Variants in SLC15A1 observed in about 807,000 individuals in gnomAD.
SLC15A1 encodes the protein solute carrier family 15 member 1, also known as Caco-2 oligopeptide transporter.
Under a neutral mutation model 92.9 loss-of-function variants are expected in SLC15A1, and 83 were observed. The observed-to-expected ratio is 0.89, with a 90% CI of 0.75 to 1.07. The LOEUF (loss-of-function observed/expected upper bound fraction) is 1.07, where lower values mean the gene tolerates loss of function less well. Ranked by LOEUF, SLC15A1 falls within the 50% of genes least tolerant of loss-of-function variation. The pLI is 0.00. For synonymous variants in SLC15A1, 322 were observed against 318.2 expected (o/e 1.01, Z -0.13); for missense variants, 857 against 880.1 (o/e 0.97, Z 0.33).
At chr13:98,685,084 T>A (rs1157716987) in intron 22 of SLC15A1, among the ~76,000 whole-genome samples, 169 bp from the exon 23 acceptor site, 1 of 152,222 alleles carries the variant, frequency 6.6e-6, no homozygotes, top group East Asian at 1.9e-4. Flanking sequence ...GCCCAGCTTT[T>A]CTGGAATGCC....
intron 9 of SLC15A1, among the ~76,000 whole-genome samples, chr13:98,714,182 A>C (rs1265648535): frequency 6.6e-6 from 1 of 152,114 alleles, no homozygotes; most frequent in Non-Finnish European, 1.5e-5. Context: ...CTAAGTTGTC[A>C]ATGACTTGTT....
intron 14 of SLC15A1, among the ~76,000 whole-genome samples, chr13:98,709,259 G>A (rs2088141437): frequency 6.6e-6 from 1 of 152,168 alleles, no homozygotes; most frequent in South Asian, 2.1e-4. Context: ...GTGAGCCACT[G>A]TGCCTGGCCT....
intron 17 of SLC15A1, among the ~76,000 whole-genome samples, chr13:98,702,965 C>T (rs1375793532): frequency 8.3e-5 from 4 of 48,364 alleles, no homozygotes; most frequent in African/African-American, 3.8e-4. Flanking sequence ...GAGATCCTGT[C>T]TCAAAAAAAA....
At position 98,684,259 on chromosome 13, in the gene SLC15A1, C is replaced by T. The variant is rs984044604; in HGVS notation, c.*465G>A. 1.3e-5 allele frequency: 2 copies of T among 154,992 alleles called. No individual in the cohort carries two copies. The highest frequency in any genetic ancestry group is 3.8e-4 in the East Asian group (2 of 5,270). The allele number at this position is 154,992 out of a possible 1,614,324, so 9.6% of individuals were successfully genotyped here. A position where few individuals can be genotyped will look rare whatever the true frequency, so the allele number is the denominator to read the frequency against. ...TCACTGCTGGCTGCTTAGAAAATAG[C>T]GTTCACGGCCGGGCGCGGTAGCTCA... is the stretch of plus-strand genomic sequence containing the variant. On this transcript the variant is annotated 3_prime_UTR_variant, in exon 23 of 23. Transcript: ENST00000376503.
Position 98,752,614 on chromosome 13 carries a change from GGCTCCTGCGACCTGCCGGCGGGACGT to G in SLC15A1, c.-42_-17del. On this transcript the variant is annotated 5_prime_UTR_variant, in exon 1 of 23. Transcript: ENST00000376503. ...GCGTACCCATGGCGGCGGCTCCCAG[GGCTCCTGCGACCTGCCGGCGGGACGT>G]GCTCCTGGCAGGTGCTACTCCTCCG... 8.0e-7 allele frequency: 1 copy of G among 1,254,044 alleles called. No homozygotes were observed. Among genetic ancestry groups the G allele is most frequent in the Non-Finnish European group, 1.0e-6 (1 of 999,180 alleles). The allele number at this position is 1,254,044 out of a possible 1,614,324, so 77.7% of individuals were successfully genotyped here.
At chr13:98,746,665 C>T (rs140029164) in intron 1 of SLC15A1, among the ~76,000 whole-genome samples, 127 of 152,290 alleles carry the variant, frequency 8.3e-4, no homozygotes, top group African/African-American at 2.7e-3. Flanking sequence ...GAACTTTTAA[C>T]GAGCCTTCTT....
intron 1 of SLC15A1, among the ~76,000 whole-genome samples, chr13:98,732,890 G>A (rs574173609): frequency 7.9e-5 from 12 of 152,272 alleles, no homozygotes; most frequent in African/African-American, 1.9e-4. Context: ...TGTCCATGTC[G>A]TAATCTCTGG....
intron 15 of SLC15A1, 144 bp downstream of exon 15, chr13:98,708,542 T>A (rs1452768778): frequency 1.7e-6 from 1 of 585,506 alleles, no homozygotes; most frequent in Non-Finnish European, 2.8e-6. Context: ...CCATGGTGCC[T>A]CCCACTGCCC....
At chr13:98,695,020 CAA>C (rs1170231960) in intron 18 of SLC15A1, among the ~76,000 whole-genome samples, 2,088 of 73,502 alleles carry the variant, frequency 0.028, 19 homozygotes, top group African/African-American at 0.096. Context: ...GACTCCGTCT[CAA>C]AAAAAAAAAA....
intron 1 of SLC15A1, among the ~76,000 whole-genome samples, chr13:98,734,450 C>A (rs370197075): frequency 6.6e-6 from 1 of 152,048 alleles, no homozygotes; most frequent in African/African-American, 2.4e-5. Flanking sequence ...GGTGCAGCCA[C>A]GGAGGGCAAG....
At chr13:98,696,345 G>A (rs1324687964) in intron 18 of SLC15A1, among the ~76,000 whole-genome samples, 2 of 151,654 alleles carry the variant, frequency 1.3e-5, no homozygotes, top group Non-Finnish European at 2.9e-5. Flanking sequence ...ACCCGGGGGC[G>A]GAGGCTGCAG....
chr13:98,707,891 TAAAAAAAAAAA>T (rs745924829), intron 15 of SLC15A1, among the ~76,000 whole-genome samples: 1,578 of 106,870 alleles, frequency 0.015, 47 homozygotes, highest in African/African-American at 0.04. Context: ...AGACCCTGTT[TAAAAAAAAAAA>T]AAAAAAAAAA....
chr13:98,700,701 G>A lies in SLC15A1; in HGVS notation c.1466+1779C>T, dbSNP rs2088060276. 2.0e-5 allele frequency among the ~76,000 whole-genome samples: 3 copies of A among 152,152 alleles called. No homozygotes were observed. In the South Asian group the frequency reaches 6.2e-4, roughly 32 times the overall value. ...TTGAGTTTTCATATAAGATGTGTAA[G>A]AATTTAATATAATTTTTATGTATGA... On this transcript the variant is annotated intron_variant, in intron 18 of 22. Transcript: ENST00000376503.
At chr13:98,688,438 C>A in intron 19 of SLC15A1, 32 bp downstream of exon 19, 13 of 1,607,210 alleles carry the variant, frequency 8.1e-6, no homozygotes, top group Non-Finnish European at 1.0e-5. Flanking sequence ...ATTCTTGAAC[C>A]TTTGAGTGAA....
At chr13:98,728,106 T>C (rs1260349545) in intron 1 of SLC15A1, among the ~76,000 whole-genome samples, 1 of 152,192 alleles carries the variant, frequency 6.6e-6, no homozygotes, top group African/African-American at 2.4e-5. Flanking sequence ...CACTGGAAAA[T>C]TATTCTTTAG....
chr13:98,694,627 T>C (rs2088007028), intron 18 of SLC15A1, among the ~76,000 whole-genome samples: 1 of 152,214 alleles, frequency 6.6e-6, no homozygotes, highest in Non-Finnish European at 1.5e-5. Flanking sequence ...TTGGCATTGT[T>C]TGGCAAAATC....
chr13:98,745,084 A>G (rs921974436), intron 1 of SLC15A1, among the ~76,000 whole-genome samples: 18 of 152,194 alleles, frequency 1.2e-4, no homozygotes, highest in African/African-American at 4.3e-4. Context: ...GTACCGCATC[A>G]ACAGAATGGG....
intron 1 of SLC15A1, among the ~76,000 whole-genome samples, chr13:98,742,528 C>T (rs964369332): frequency 2.0e-5 from 3 of 152,158 alleles, no homozygotes; most frequent in African/African-American, 4.8e-5. Context: ...AACCGCGTGG[C>T]TTACAACATG....
chr13:98,715,910 T>C lies in SLC15A1; in HGVS notation c.691A>G (p.Asn231Asp). ...CACTTGGCCACTTTACCCATGATGTTGCCCTGTGGCTTGAACTTCTTGTAC... is the reference window on the plus strand; with the variant it reads ...CACTTGGCCACTTTACCCATGATGTCGCCCTGTGGCTTGAACTTCTTGTAC... ...GMYKKFKPQG[N>D]IMGKVAKCIG... Residue 231 changes from asparagine to aspartate, a missense_variant, in exon 9 of 23, where the codon AAC (asparagine) becomes GAC (aspartate). By Grantham distance (23) the Asn-to-Asp change is conservative. Transcript: ENST00000376503. 2 of 1,614,174 alleles carry C rather than the reference T, an allele frequency of 1.2e-6. No homozygotes were observed. The highest frequency in any genetic ancestry group is 1.7e-6 in the Non-Finnish European group (2 of 1,180,022).
Sources: gnomAD v4.1 joint callset for allele counts (sites outside exome capture counted in the v4.1 genomes callset) on GRCh38, gnomAD v4.1.1 for gene constraint, MANE v1.5 for transcripts, NCBI Gene and HGNC (gene_info 2026-07-23, HGNC 2026-07-21) for gene names.